DNM3: variants seen among roughly 807,000 people sequenced by gnomAD.
DNM3 encodes dynamin 3, also known as dynamin-3.
In DNM3, 47 loss-of-function variants were observed where a neutral mutation model predicts 101.6. The ratio of observed to expected loss-of-function variants is 0.46; its 90% CI spans 0.37 to 0.59. DNM3 has a LOEUF of 0.59. DNM3 is among the 20% of genes least tolerant of loss of function. DNM3 has a pLI of 0.00. For synonymous variants in DNM3, 385 were observed against 387.9 expected (o/e 0.99, Z 0.09); for missense variants, 849 against 1,085.7 (o/e 0.78, Z 3.06).
chr1:172,380,466 G>A (rs574077845), intron 18 of DNM3, among the ~76,000 whole-genome samples: 10 of 152,182 alleles, frequency 6.6e-5, no homozygotes, highest in South Asian at 4.1e-4. Context: ...TTTCATACAC[G>A]TATGTATTCA....
chr1:172,032,351 A>C, intron 4 of DNM3, 51 bp from the exon 5 acceptor site: 1 of 1,338,438 alleles, frequency 7.5e-7, no homozygotes, highest in Non-Finnish European at 1.1e-6. Context: ...TATGTCTAAA[A>C]TTTGTTAGTC....
chr1:172,086,323 G>A (rs1405742160), intron 12 of DNM3, among the ~76,000 whole-genome samples: 2 of 152,116 alleles, frequency 1.3e-5, no homozygotes, highest in Non-Finnish European at 2.9e-5. Context: ...ACGGAGCCTG[G>A]ACTATCACAG....
chr1:171,892,141 C>T (rs1379357607), intron 1 of DNM3, among the ~76,000 whole-genome samples: 3 of 151,528 alleles, frequency 2.0e-5, no homozygotes, highest in African/African-American at 4.9e-5. Flanking sequence ...GTTCTATGTC[C>T]GTTTGACATA....
intron 20 of DNM3, among the ~76,000 whole-genome samples, chr1:172,400,339 T>C (rs189570378): frequency 7.2e-5 from 11 of 152,182 alleles, no homozygotes; most frequent in Admixed American, 7.2e-4. Flanking sequence ...AGTAGGTTTC[T>C]ACAGCACATA....
intron 2 of DNM3, among the ~76,000 whole-genome samples, chr1:171,934,177 T>C (rs913309151): frequency 6.6e-6 from 1 of 152,214 alleles, no homozygotes; most frequent in Non-Finnish European, 1.5e-5. Context: ...TATTTTATTT[T>C]AGATTTTAAA....
At chr1:171,911,919 C>T (rs544753387) in intron 1 of DNM3, among the ~76,000 whole-genome samples, 14 of 152,116 alleles carry the variant, frequency 9.2e-5, no homozygotes, top group African/African-American at 1.9e-4. Context: ...GTATGGGCTT[C>T]GTGGAGAGGG....
chr1:171,914,578 A>G (rs996533590), intron 1 of DNM3, among the ~76,000 whole-genome samples: 5 of 152,096 alleles, frequency 3.3e-5, no homozygotes, highest in Admixed American at 3.3e-4. Flanking sequence ...ATATTGGCCC[A>G]CCTAGTATTC....
intron 1 of DNM3, among the ~76,000 whole-genome samples, chr1:171,882,408 G>A (rs1358293895): frequency 3.0e-5 from 4 of 131,916 alleles, no homozygotes; most frequent in Non-Finnish European, 3.1e-5. Context: ...GCTTTATCTC[G>A]TTTTGTCTCT....
rs1284389221 is a variant in DNM3, at chr1:172,044,429, A to G, written c.1173A>G (p.Ala391=). The change falls in exon 9 of 21, where the codon GCA becomes GCG. Residue 391 remains alanine (A), a synonymous_variant. Coordinates refer to ENST00000627582, the MANE Select transcript of DNM3 (RefSeq NM_015569.5). ...EKELRREISY[A]IKNIHGIRTG... ...AATTGCGAAGAGAAATAAGCTATGC[A>G]ATCAAAAACATACATGGTATCAGGC... 1.2e-6 allele frequency: 2 copies of G among 1,608,408 alleles called. No homozygotes were observed. The highest frequency in any genetic ancestry group is 1.1e-5 in the South Asian group (1 of 89,352).
intron 10 of DNM3, among the ~76,000 whole-genome samples, chr1:172,062,265 G>T (rs1226033153): frequency 6.6e-6 from 1 of 151,958 alleles, no homozygotes; most frequent in African/African-American, 2.4e-5. Flanking sequence ...TGATCTTCAG[G>T]TGTTGTTTTG....
Position 172,131,226 on chromosome 1 carries a change from G to A in DNM3, c.1597G>A (p.Gly533Ser), listed in dbSNP as rs570667502. 5.6e-6 allele frequency: 9 copies of A among 1,613,328 alleles called. No individual in the cohort carries two copies. Among genetic ancestry groups the A allele is most frequent in the South Asian group, 1.1e-5 (1 of 91,048 alleles). ...CAGCAACATTGGCATCATGAAAGGC[G>A]GCTCGAAGGGATACTGGTTCGTCCT... Reference protein sequence around the residue: ...TISNIGIMKGGSKGYWFVLTA... With the variant: ...TISNIGIMKGSSKGYWFVLTA... The change falls in exon 14 of 21, where the codon GGC (glycine) becomes AGC (serine). Residue 533 changes from glycine (G) to serine (S), a missense_variant. Gly to Ser is a moderately conservative substitution (Grantham distance 56, BLOSUM62 0). This residue lies in a region of DNM3 where 193 missense variants were observed against 238.4 expected (regional missense o/e 0.81). Coordinates refer to ENST00000627582, the MANE Select transcript of DNM3 (RefSeq NM_015569.5).
Position 172,409,205 on chromosome 1 carries a change from T to A in DNM3, c.*1364T>A. 1 of 985,356 alleles carries A rather than the reference T, an allele frequency of 1.0e-6. No individual in the cohort carries two copies. 61.0% of individuals were successfully genotyped at this position (985,356 alleles called of 1,614,324 possible). A position where few individuals can be genotyped will look rare whatever the true frequency, so the allele number is the denominator to read the frequency against. ...CTGTTCCCAGACAGCAGAGCAAGTA[T>A]TCACTGAGTAGGGGTGTCCCATGAC... On this transcript the variant is annotated 3_prime_UTR_variant, in exon 21 of 21. Coordinates refer to ENST00000627582, the MANE Select transcript of DNM3 (RefSeq NM_015569.5).
At chr1:171,965,832 T>A (rs2043549249) in intron 2 of DNM3, among the ~76,000 whole-genome samples, 3 of 152,206 alleles carry the variant, frequency 2.0e-5, no homozygotes, top group African/African-American at 7.2e-5. Context: ...CTCCCCTCCC[T>A]GGAGATTAGG....
chr1:172,234,407 T>C (rs1281819821), intron 14 of DNM3, among the ~76,000 whole-genome samples: 4 of 152,106 alleles, frequency 2.6e-5, no homozygotes, highest in African/African-American at 9.7e-5. Flanking sequence ...TGGAAGAACA[T>C]TCCATGCTCA....
At position 172,032,404 on chromosome 1, in the gene DNM3, C is replaced by T; in HGVS notation, c.592C>T (p.Leu198=). 6.2e-7 allele frequency: 1 copy of T among 1,611,154 alleles called. No homozygotes were observed. Among genetic ancestry groups the T allele is most frequent in the South Asian group, 1.1e-5 (1 of 90,896 alleles). ...TGTTGGGTTTGTTTATGATGCAGGT[C>T]TGAGAACCATTGGAGTTATCACCAA... ...KLAKEVDPQG[L]RTIGVITKLD... Residue 198 remains leucine (L), a splice_region_variant and synonymous_variant, in exon 5 of 21, where the codon CTG becomes TTG. Coordinates refer to ENST00000627582, the MANE Select transcript of DNM3 (RefSeq NM_015569.5).
chr1:172,101,044 T>C (rs1287413870), intron 13 of DNM3, among the ~76,000 whole-genome samples: 1 of 152,192 alleles, frequency 6.6e-6, no homozygotes, highest in Non-Finnish European at 1.5e-5. Flanking sequence ...CCACATCATA[T>C]GGGACAAGGG....
In DNM3 at chr1:172,252,234, A is replaced by G. The variant is rs561788114; in HGVS notation, c.1660-1339A>G. Among the ~76,000 whole-genome samples the G allele has an allele frequency of 9.0e-4, 137 of 152,174 alleles. 1 individual carries two copies. Among genetic ancestry groups the G allele is most frequent in the Middle Eastern group, 3.4e-3 (1 of 294 alleles). On this transcript the variant is annotated intron_variant, in intron 14 of 20. Coordinates refer to ENST00000627582, the MANE Select transcript of DNM3 (RefSeq NM_015569.5). The stretch of plus-strand genomic sequence containing the variant: ...CAGTCACCTGTTCACACGTGACTTT[A>G]TTTTTGTAGCCAAGTAGAATGCTAC...
At chr1:172,126,225 C>T (rs733189) in intron 13 of DNM3, among the ~76,000 whole-genome samples, 84,512 of 151,996 alleles carry the variant, frequency 0.56, 24,404 homozygotes, top group African/African-American at 0.7. Context: ...TGGGATTGGA[C>T]TACTGCTTCT....
At chr1:172,356,317 C>CTGAA (rs2067452507) in intron 17 of DNM3, among the ~76,000 whole-genome samples, 1 of 152,084 alleles carries the variant, frequency 6.6e-6, no homozygotes, top group South Asian at 2.1e-4. Flanking sequence ...TAAAAGCCAT[C>CTGAA]TGAACAGTTT....
Sources: allele counts gnomAD v4.1 joint callset (sites outside exome capture counted in the v4.1 genomes callset), GRCh38; gene constraint gnomAD v4.1.1; regional missense constraint gnomAD v4.1.1; transcripts MANE v1.5; gene names NCBI Gene and HGNC (gene_info 2026-07-23, HGNC 2026-07-21).